Variants in SPTB observed in about 807,000 individuals in gnomAD.
SPTB encodes spectrin beta, erythrocytic.
Under a neutral mutation model 256.2 loss-of-function variants are expected in SPTB, and 45 were observed. That is an observed-to-expected ratio of 0.18 (90% CI 0.14 to 0.23). SPTB has a LOEUF of 0.23. SPTB is among the 10% of genes least tolerant of loss of function. SPTB has a pLI of 1.00. For missense variants in SPTB, 2,715 were observed against 3,040.4 expected (o/e 0.89, Z 2.52); for synonymous variants, 1,231 against 1,243.1 (o/e 0.99, Z 0.21).
At chr14:64,800,349 T>C (rs1481735513) in intron 8 of SPTB, among the ~76,000 whole-genome samples, 1 of 152,206 alleles carries the variant, frequency 6.6e-6, no homozygotes, top group African/African-American at 2.4e-5. Context: ...GTACCTATAC[T>C]CTAAGAGCTA....
rs547518996 is a variant in SPTB at position 64,816,603 on chromosome 14, T to G, written c.148+6344A>C. ...GCACATAGACACGTGTGGGATTATTTGATCTACCTCTGTCTCACTAGACTG... is the reference window on the plus strand; with the variant it reads ...GCACATAGACACGTGTGGGATTATTGGATCTACCTCTGTCTCACTAGACTG... On this transcript the variant is annotated intron_variant, in intron 2 of 35. Coordinates refer to ENST00000644917, the MANE Select transcript of SPTB (RefSeq NM_001355436.2). This position sits in a 1 kb window ranked among gnomAD's most constrained non-coding sequence, Gnocchi z 4.2. Among the ~76,000 whole-genome samples, 1 of 152,358 alleles carries G rather than the reference T, an allele frequency of 6.6e-6. No individual in the cohort carries two copies. The highest frequency in any genetic ancestry group is 2.4e-5 in the African/African-American group (1 of 41,586).
rs748367584 is a variant in SPTB, at chr14:64,786,630, C to T, written c.3335G>A (p.Gly1112Glu). Residue 1112 changes from glycine to glutamate, a missense_variant, in exon 16 of 36, where the codon GGG (glycine) becomes GAG (glutamate). By Grantham distance (98) the Gly-to-Glu change is moderately conservative (BLOSUM62 -2). This residue lies in a region of SPTB where 2,239 missense variants were observed against 2,384.4 expected (regional missense o/e 0.94). Coordinates refer to ENST00000644917, the MANE Select transcript of SPTB (RefSeq NM_001355436.2). The surrounding 1 kb of genome is among the most constrained non-coding windows in gnomAD (Gnocchi z 5.6). ...AACACGCTGGTAGCTGTCTTGGTGC[C>T]CGTCAATCTCATCCTTGATACCTGC... ...QHAGIKDEIDGHQDSYQRVKE... is the reference protein window; with the variant it reads ...QHAGIKDEIDEHQDSYQRVKE... The T allele has an allele frequency of 2.5e-6, 4 of 1,614,126 alleles. No individual in the cohort carries two copies. Among genetic ancestry groups the T allele is most frequent in the Non-Finnish European group, 3.4e-6 (4 of 1,180,014 alleles).
In SPTB at chr14:64,803,594, C is replaced by G. The variant is rs201559808; in HGVS notation, c.474+13G>C. 3.2e-5 allele frequency: 52 copies of G among 1,613,932 alleles called. No individual in the cohort carries two copies. In the African/African-American group the frequency reaches 6.5e-4, roughly 20 times the overall value. On this transcript the variant is annotated intron_variant, in intron 4 of 35. Transcript: ENST00000644917. The stretch of plus-strand genomic sequence containing the variant: ...AGGGCTCCCTCGACTTCCTCTACCC[C>G]CCAGGAACCCACCTGGAAGCGGAGG...
At chr14:64,835,255 T>C (rs551976832) in intron 1 of SPTB, among the ~76,000 whole-genome samples, 1 of 152,144 alleles carries the variant, frequency 6.6e-6, no homozygotes, top group Non-Finnish European at 1.5e-5. Context: ...GTAGAGTCCA[T>C]TCTCTTTTTT....
rs140300393 is a variant in SPTB at position 64,770,220 on chromosome 14, T to A, written c.5799-492A>T. On this transcript the variant is annotated intron_variant, in intron 27 of 35. Coordinates refer to ENST00000644917, the MANE Select transcript of SPTB (RefSeq NM_001355436.2). Reference sequence around the variant, plus strand: ...TAATAGGGGCGGAGTGATGAAAATCTTCTAACCTTAGATTGTGGGGATAGT... The same window carrying A: ...TAATAGGGGCGGAGTGATGAAAATCATCTAACCTTAGATTGTGGGGATAGT... 7.7e-4 allele frequency among the ~76,000 whole-genome samples: 118 copies of A among 152,322 alleles called. 2 individuals are homozygous for A. The Middle Eastern group carries it at 0.01, about 13-fold the overall frequency.
At chr14:64,855,794 A>G (rs2083864179) in intron 1 of SPTB, among the ~76,000 whole-genome samples, 1 of 152,250 alleles carries the variant, frequency 6.6e-6, no homozygotes, top group Admixed American at 6.5e-5. Flanking sequence ...TGTTCCAGGC[A>G]TGTGGTCTGC....
At position 64,827,732 on chromosome 14, in the gene SPTB, A is replaced by G. The variant is rs1177368763; in HGVS notation, c.-51-4587T>C. Among the ~76,000 whole-genome samples, 1 of 152,186 alleles carries G rather than the reference A, an allele frequency of 6.6e-6. No homozygotes were observed. Among genetic ancestry groups the G allele is most frequent in the Non-Finnish European group, 1.5e-5 (1 of 68,026 alleles). On this transcript the variant is annotated intron_variant, in intron 1 of 35. Transcript: ENST00000644917. This position sits in a 1 kb window ranked among gnomAD's most constrained non-coding sequence, Gnocchi z 4.6. ...AGTGCAGAATACTTACTCTAAATCT[A>G]TCTGCAGCCCTAACCTCCTCCCTAC...
intron 1 of SPTB, among the ~76,000 whole-genome samples, chr14:64,857,342 G>T (rs530318616): frequency 6.6e-6 from 1 of 151,978 alleles, no homozygotes; most frequent in Non-Finnish European, 1.5e-5. Flanking sequence ...TGACACTTTG[G>T]GAGGCCGAGG....
intron 1 of SPTB, among the ~76,000 whole-genome samples, chr14:64,846,245 A>C (rs2083690670): frequency 6.6e-6 from 1 of 152,190 alleles, no homozygotes; most frequent in Non-Finnish European, 1.5e-5. Context: ...AGTAGAGTGG[A>C]CTCATTCACC....
chr14:64,869,621 ATT>A (rs11302191), intron 1 of SPTB, among the ~76,000 whole-genome samples: 13 of 139,516 alleles, frequency 9.3e-5, no homozygotes, highest in East Asian at 2.2e-4. Context: ...GATTTTTTAA[ATT>A]TTTTTTTTTT....
chr14:64,811,444 C>T (rs941173643), intron 2 of SPTB, among the ~76,000 whole-genome samples: 11 of 152,068 alleles, frequency 7.2e-5, no homozygotes, highest in Admixed American at 3.3e-4. Flanking sequence ...TTTAAGACAA[C>T]TTGGAAAATC....
At position 64,794,483 on chromosome 14, in the gene SPTB, C is replaced by T; in HGVS notation, c.1779G>A (p.Lys593=). 2 of 1,614,218 alleles carry T rather than the reference C, an allele frequency of 1.2e-6. No individual in the cohort carries two copies. Among genetic ancestry groups the T allele is most frequent in the Non-Finnish European group, 1.7e-6 (2 of 1,180,054 alleles). Residue 593 remains lysine, a synonymous_variant, in exon 13 of 36, where the codon AAG becomes AAA. Transcript: ENST00000644917. ...KVKAITAATL[K]FTEGKGYQPC... ...TGGTCTCACCTTTCCCCTCGGTGAA[C>T]TTCAGGGTGGCTGCGGTGATGGCCT... is the stretch of plus-strand genomic sequence containing the variant.
At chr14:64,756,306 A>G (rs1469358204) in intron 32 of SPTB, 1 of 152,342 alleles carries the variant, frequency 6.6e-6, no homozygotes, top group African/African-American at 2.4e-5. Context: ...ATGGTAGCTC[A>G]CGCCTGTAAT....
At chr14:64,789,187 C>CA (rs1049990042) in intron 15 of SPTB, among the ~76,000 whole-genome samples, 29 of 150,972 alleles carry the variant, frequency 1.9e-4, no homozygotes, top group East Asian at 1.2e-3. Flanking sequence ...CTCATCTCTA[C>CA]AAAAAAAACA....
Position 64,802,373 on chromosome 14 carries a change from TTCCTGCCG to T in SPTB, c.475-64_475-57del, listed in dbSNP as rs2082902864. On this transcript the variant is annotated intron_variant, in intron 4 of 35. Transcript: ENST00000644917. The surrounding 1 kb of genome is among the most constrained non-coding windows in gnomAD (Gnocchi z 5.1). Reference sequence around the variant, plus strand: ...GAGGATGTGCATCTGGATCTGTGCTTTCCTGCCGTCCCTGGGAGGCTCCCTCCCTCATC... The same window carrying T: ...GAGGATGTGCATCTGGATCTGTGCTTTCCCTGGGAGGCTCCCTCCCTCATC... 2 of 1,556,848 alleles carry T rather than the reference TTCCTGCCG, an allele frequency of 1.3e-6. No individual in the cohort carries two copies. Among genetic ancestry groups the T allele is most frequent in the Admixed American group, 3.5e-5 (2 of 57,772 alleles).
chr14:64,869,708 A>G (rs2139820331), intron 1 of SPTB, among the ~76,000 whole-genome samples: 1 of 149,890 alleles, frequency 6.7e-6, no homozygotes, highest in Non-Finnish European at 1.5e-5. Context: ...TGCAGCCTCA[A>G]CTTTCCTGGG....
In SPTB at chr14:64,794,534, G is replaced by A; in HGVS notation, c.1728C>T (p.Asp576=). The change falls in exon 13 of 36, where the codon GAC becomes GAT. Residue 576 remains aspartate (D), a synonymous_variant. Coordinates refer to ENST00000644917, the MANE Select transcript of SPTB (RefSeq NM_001355436.2). Reference sequence around the variant, plus strand: ...TCACTTTGTCCCCTTGGATGGCGATGTCAGCTTCCATCAACTTGTGCTTCT... The same window carrying A: ...TCACTTTGTCCCCTTGGATGGCGATATCAGCTTCCATCAACTTGTGCTTCT... ...LLQKHKLMEA[D]IAIQGDKVKA... 6.2e-7 allele frequency: 1 copy of A among 1,614,210 alleles called. No homozygotes were observed. Among genetic ancestry groups the A allele is most frequent in the South Asian group, 1.1e-5 (1 of 91,088 alleles).
intron 1 of SPTB, among the ~76,000 whole-genome samples, chr14:64,877,150 TAAA>T (rs111763840): frequency 4.3e-5 from 6 of 138,432 alleles, no homozygotes; most frequent in African/African-American, 1.3e-4. Context: ...ATCTGTTCTT[TAAA>T]AAAAAAAAAA....
chr14:64,797,203 T>G (rs1003919647), intron 10 of SPTB, among the ~76,000 whole-genome samples: 4 of 152,106 alleles, frequency 2.6e-5, no homozygotes, highest in Non-Finnish European at 5.9e-5. Flanking sequence ...CTGGGTGTGA[T>G]GGCTCACACG....
Sources: gnomAD v4.1 joint callset for allele counts (sites outside exome capture counted in the v4.1 genomes callset) on GRCh38, gnomAD v4.1.1 for gene constraint, gnomAD v4.1.1 regional missense constraint, Gnocchi (gnomAD v3.1) non-coding constraint, MANE v1.5 for transcripts, NCBI Gene and HGNC (gene_info 2026-07-23, HGNC 2026-07-21) for gene names.